Variants in DPH6 observed in about 807,000 individuals in gnomAD.
The protein encoded by DPH6 is diphthine--ammonia ligase.
DPH6 carries 33 observed loss-of-function variants against 38.2 expected under a neutral mutation model. That is an observed-to-expected ratio of 0.86 (90% CI 0.65 to 1.15). The LOEUF (loss-of-function observed/expected upper bound fraction) is 1.15, where lower values mean the gene tolerates loss of function less well. Among genes scored for constraint, DPH6 ranks in the 50% most tolerant of loss-of-function variants. The pLI is 0.00. For missense variants in DPH6, 325 were observed against 320.0 expected (o/e 1.02, Z -0.12); for synonymous variants, 108 against 103.0 (o/e 1.05, Z -0.30).
intron 3 of DPH6, among the ~76,000 whole-genome samples, chr15:35,536,709 A>C (rs972517737): frequency 2.6e-5 from 4 of 152,024 alleles, no homozygotes; most frequent in African/African-American, 9.7e-5. Flanking sequence ...ATCATTTTAT[A>C]ATATTGGTTT....
chr15:35,508,648 G>A (rs2054728011), intron 3 of DPH6, among the ~76,000 whole-genome samples: 1 of 152,026 alleles, frequency 6.6e-6, no homozygotes, highest in Non-Finnish European at 1.5e-5. Flanking sequence ...CTATTTTTTA[G>A]CAATAGGATA....
At chr15:35,324,032 G>C (rs568200972) in intron 3 of DPH6, among the ~76,000 whole-genome samples, 1 of 152,282 alleles carries the variant, frequency 6.6e-6, no homozygotes, top group African/African-American at 2.4e-5. Flanking sequence ...CAGTGTGCTT[G>C]AGCGTATCCC....
At position 35,287,010 on chromosome 15, in the gene DPH6, G is replaced by T. The variant is rs1424196477; in HGVS notation, n.201-66428C>A. Among the ~76,000 whole-genome samples the T allele has an allele frequency of 2.0e-5, 3 of 152,106 alleles. No individual in the cohort carries two copies. In the East Asian group the frequency reaches 5.8e-4, roughly 29 times the overall value. ...TTGACGCAGTAGTATACAGCAAAAA[G>T]AAGACAATAGAAAAAAGTTGTTAAA... is the stretch of plus-strand genomic sequence containing the variant. On this transcript the variant is annotated intron_variant and non_coding_transcript_variant, in intron 3 of 3. Coordinates refer to the DPH6 transcript ENST00000560386.
intron 3 of DPH6, among the ~76,000 whole-genome samples, chr15:35,255,342 C>T (rs2051700516): frequency 6.6e-6 from 1 of 152,140 alleles, no homozygotes; most frequent in Non-Finnish European, 1.5e-5. Context: ...AATCTTCAAC[C>T]ATCCATTGGT....
At chr15:35,171,886 G>A in the DPH6 span, among the ~76,000 whole-genome samples, 1 of 150,604 alleles carries the variant, frequency 6.6e-6, no homozygotes, top group Middle Eastern at 3.2e-3. Context: ...TTATTTTTTC[G>A]AGAGGGAGTT....
chr15:35,491,607 T>C (rs1034725169), intron 3 of DPH6, among the ~76,000 whole-genome samples: 2 of 151,018 alleles, frequency 1.3e-5, no homozygotes, highest in Admixed American at 6.6e-5. Context: ...TCTCTCGATA[T>C]ATATATCGAT....
At chr15:35,243,868 T>C (rs2051617832) in intron 3 of DPH6, among the ~76,000 whole-genome samples, 1 of 152,354 alleles carries the variant, frequency 6.6e-6, no homozygotes, top group Non-Finnish European at 1.5e-5. Flanking sequence ...TATAATTATT[T>C]ATACACAAAT....
chr15:35,504,882 A>G (rs1365701777), intron 3 of DPH6, among the ~76,000 whole-genome samples: 2 of 152,132 alleles, frequency 1.3e-5, no homozygotes, highest in African/African-American at 4.8e-5. Context: ...TTGAGGAAAT[A>G]ATAAAACATA....
chr15:35,157,215 C>T, the DPH6 span, among the ~76,000 whole-genome samples: 1 of 152,084 alleles, frequency 6.6e-6, no homozygotes, highest in African/African-American at 2.4e-5. Flanking sequence ...TCTGTTTCTT[C>T]ATATAAACCT....
intron 3 of DPH6, among the ~76,000 whole-genome samples, chr15:35,322,152 CAT>C (rs2052246358): frequency 6.6e-6 from 1 of 152,136 alleles, no homozygotes; most frequent in Admixed American, 6.6e-5. Flanking sequence ...TTAGCTTCTA[CAT>C]AGTGATGTTA....
intron 3 of DPH6, among the ~76,000 whole-genome samples, chr15:35,233,887 C>T (rs1231995611): frequency 2.2e-4 from 33 of 152,284 alleles, no homozygotes; most frequent in Admixed American, 2.2e-3. Flanking sequence ...ATCAAATCTC[C>T]ACTCAAACAT....
intron 3 of DPH6, chr15:35,518,890 A>G (rs1276427788): frequency 6.6e-6 from 1 of 151,986 alleles, no homozygotes; most frequent in East Asian, 1.9e-4. Context: ...CAAAAACATC[A>G]AAGGATAAGG....
chr15:35,365,924 T>C, downstream of DPH6: 1 of 985,194 alleles, frequency 1.0e-6, no homozygotes, highest in East Asian at 1.1e-4. Context: ...GGTTTTAGAC[T>C]GGTAAATACC....
intron 3 of DPH6, chr15:35,298,167 C>T: frequency 9.5e-6 from 4 of 419,504 alleles, no homozygotes; most frequent in Non-Finnish European, 1.8e-5. Flanking sequence ...GTCATGGAGG[C>T]TGTGACCTTT....
At chr15:35,455,527 T>G (rs1429202573) in intron 3 of DPH6, among the ~76,000 whole-genome samples, 1 of 152,078 alleles carries the variant, frequency 6.6e-6, no homozygotes, top group Non-Finnish European at 1.5e-5. Flanking sequence ...AAAGCTAGAA[T>G]GGATTAAAAA....
downstream of DPH6, among the ~76,000 whole-genome samples, chr15:35,214,270 AC>A (rs1291035366): frequency 6.6e-6 from 1 of 152,120 alleles, no homozygotes; most frequent in Non-Finnish European, 1.5e-5. Flanking sequence ...TCATAGGGCT[AC>A]TCTGAATTTA....
At chr15:35,285,141 A>G (rs1476736762) in intron 3 of DPH6, among the ~76,000 whole-genome samples, 1 of 152,078 alleles carries the variant, frequency 6.6e-6, no homozygotes, top group Non-Finnish European at 1.5e-5. Flanking sequence ...TGCATTTGAG[A>G]TATCTCCCTG....
chr15:35,538,237 A>G (rs1356623450), intron 3 of DPH6, 37 bp downstream of exon 3: 12 of 1,392,186 alleles, frequency 8.6e-6, no homozygotes, highest in Non-Finnish European at 1.1e-5. Flanking sequence ...TAAATTACAC[A>G]CTAAATCCAA....
intron 3 of DPH6, among the ~76,000 whole-genome samples, chr15:35,478,595 C>T (rs959738337): frequency 6.6e-6 from 1 of 151,910 alleles, no homozygotes; most frequent in Admixed American, 6.6e-5. Context: ...CATTAATCTG[C>T]ACAGTTCTAC....
Sources: gnomAD v4.1 joint callset for allele counts (sites outside exome capture counted in the v4.1 genomes callset) on GRCh38, gnomAD v4.1.1 for gene constraint, MANE v1.5 for transcripts, NCBI Gene and HGNC (gene_info 2026-07-23, HGNC 2026-07-21) for gene names.